Variants in THSD7B observed in about 807,000 individuals in gnomAD.
The protein encoded by THSD7B is thrombospondin type-1 domain-containing protein 7B.
A neutral mutation model predicts 213.6 loss-of-function variants in THSD7B; 138 were observed. The observed-to-expected ratio is 0.65, with a 90% CI of 0.56 to 0.74. The LOEUF (loss-of-function observed/expected upper bound fraction) is 0.74, where lower values mean the gene tolerates loss of function less well. THSD7B is among the 30% of genes least tolerant of loss of function. The probability of loss-of-function intolerance (pLI) is 0.00; values close to 1 mark genes in which losing one functional copy is unlikely to be tolerated. For missense variants in THSD7B, 1,931 were observed against 1,991.5 expected, an observed-to-expected ratio of 0.97 and a Z score of 0.58; for synonymous variants, 742 against 687.0, an observed-to-expected ratio of 1.08 and a Z score of -1.25.
At chr2:137,375,659 A>G (rs1391788787) in intron 12 of THSD7B, among the ~76,000 whole-genome samples, 1 of 152,208 alleles carries the variant, frequency 6.6e-6, no homozygotes, top group Non-Finnish European at 1.5e-5. Flanking sequence ...ATAGAATTTT[A>G]TCAAGTTTGA....
intron 1 of THSD7B, among the ~76,000 whole-genome samples, chr2:136,835,259 T>A (rs775564457): frequency 6.6e-5 from 10 of 152,236 alleles, no homozygotes; most frequent in Non-Finnish European, 1.3e-4. Context: ...AAATTTGTTG[T>A]GTTTTCATAC....
intron 5 of THSD7B, among the ~76,000 whole-genome samples, chr2:137,126,621 T>G (rs951551549): frequency 1.3e-5 from 2 of 152,172 alleles, no homozygotes; most frequent in African/African-American, 4.8e-5. Context: ...CTGTTTTGCT[T>G]TCTCATCATT....
intron 12 of THSD7B, among the ~76,000 whole-genome samples, chr2:137,284,365 G>A (rs914404600): frequency 6.6e-5 from 10 of 151,962 alleles, no homozygotes; most frequent in African/African-American, 9.7e-5. Context: ...TGGATTCATT[G>A]ATTTTTTGAA....
chr2:136,937,482 C>G (rs1018853145), intron 2 of THSD7B, among the ~76,000 whole-genome samples: 1 of 151,968 alleles, frequency 6.6e-6, no homozygotes, highest in South Asian at 2.1e-4. Context: ...TATGCTGCCC[C>G]GAGTCAAGCC....
chr2:137,294,850 G>A (rs887710023), intron 12 of THSD7B, among the ~76,000 whole-genome samples: 1 of 151,972 alleles, frequency 6.6e-6, no homozygotes, highest in Non-Finnish European at 1.5e-5. Flanking sequence ...CATAGTGTCT[G>A]GCACATTTTA....
intron 6 of THSD7B, among the ~76,000 whole-genome samples, chr2:137,164,682 A>G (rs1023551874): frequency 7.9e-5 from 12 of 152,216 alleles, no homozygotes; most frequent in Admixed American, 6.5e-4. Flanking sequence ...CATATACACC[A>G]TAGAATACTA....
intron 14 of THSD7B, among the ~76,000 whole-genome samples, chr2:137,413,251 G>A (rs753841113): frequency 3.9e-5 from 6 of 152,100 alleles, no homozygotes. Flanking sequence ...CCCATTTTAA[G>A]GTGATGCTAA....
chr2:136,954,957 C>G (rs1026141048), intron 2 of THSD7B, among the ~76,000 whole-genome samples: 1 of 152,012 alleles, frequency 6.6e-6, no homozygotes, highest in African/African-American at 2.4e-5. Context: ...TGTATTTCAA[C>G]AGGCTCTGGA....
At chr2:136,932,703 T>G (rs1206745149) in intron 2 of THSD7B, among the ~76,000 whole-genome samples, 1 of 152,060 alleles carries the variant, frequency 6.6e-6, no homozygotes, top group Non-Finnish European at 1.5e-5. Flanking sequence ...TTAAGTAGGC[T>G]GAGGAGGAGG....
intron 1 of THSD7B, among the ~76,000 whole-genome samples, chr2:136,779,121 C>T (rs1049688161): frequency 6.6e-6 from 1 of 151,286 alleles, no homozygotes; most frequent in Non-Finnish European, 1.5e-5. Context: ...AACTTGAGTA[C>T]ATTGGATCTT....
chr2:137,119,329 G>T (rs2104942396), intron 5 of THSD7B, among the ~76,000 whole-genome samples: 1 of 152,292 alleles, frequency 6.6e-6, no homozygotes, highest in East Asian at 1.9e-4. Flanking sequence ...AAGTACATCT[G>T]TCATAAGGGT....
rs1242076554 is a variant in THSD7B, at chr2:137,078,806, C to CT, written c.951-16059dup. On this transcript the variant is annotated intron_variant, in intron 3 of 27. Coordinates refer to ENST00000409968, the MANE Select transcript of THSD7B (RefSeq NM_001316349.2). ...ATTCTTATAGTGTTTTATTATCATA[C>CT]TTTTTTTTCCCAAAAATTCTATAGT... is the stretch of plus-strand genomic sequence containing the variant. Among the ~76,000 whole-genome samples the CT allele has an allele frequency of 4.6e-5, 7 of 151,772 alleles. No homozygotes were observed. In the East Asian group the frequency reaches 9.6e-4, roughly 21 times the overall value.
intron 1 of THSD7B, among the ~76,000 whole-genome samples, chr2:136,809,902 A>T (rs1682348494): frequency 6.6e-6 from 1 of 152,162 alleles, no homozygotes; most frequent in Non-Finnish European, 1.5e-5. Flanking sequence ...GTACTCACAG[A>T]ATAGGCATGA....
chr2:137,512,760 T>G (rs2105154525), intron 15 of THSD7B, among the ~76,000 whole-genome samples: 1 of 152,268 alleles, frequency 6.6e-6, no homozygotes, highest in South Asian at 2.1e-4. Flanking sequence ...AAAGATTAAC[T>G]TATGTAGGTA....
chr2:137,004,294 C>T (rs1020953018), intron 2 of THSD7B, among the ~76,000 whole-genome samples: 9 of 120,442 alleles, frequency 7.5e-5, no homozygotes, highest in African/African-American at 1.0e-4. Flanking sequence ...TGTGTGCACA[C>T]GTACACACAC....
chr2:137,671,242 TTTTTTAA>T (rs1299185386), intron 27 of THSD7B, among the ~76,000 whole-genome samples: 1 of 39,616 alleles, frequency 2.5e-5, no homozygotes, highest in African/African-American at 5.2e-5. Context: ...TTGCTTTTTT[TTTTTTAA>T]AAAAAAAAAA....
intron 14 of THSD7B, among the ~76,000 whole-genome samples, chr2:137,425,755 G>A (rs1687041322): frequency 6.6e-6 from 1 of 152,102 alleles, no homozygotes; most frequent in Non-Finnish European, 1.5e-5. Flanking sequence ...AAAGTTGAAA[G>A]CTTTTTCTCT....
rs1680707568 is a variant in THSD7B, at chr2:137,546,352, TATATATATATTATATATATATATA to T, written c.3139-16849_3139-16826del. 3.2e-4 allele frequency among the ~76,000 whole-genome samples: 20 copies of T among 63,464 alleles called. No homozygotes were observed. In the East Asian group the frequency reaches 4.2e-3, roughly 13 times the overall value. The allele number at this position is 63,464 out of a possible 152,430, so 41.6% of individuals were successfully genotyped here. A position where few individuals can be genotyped will look rare whatever the true frequency, so the allele number is the denominator to read the frequency against. ...CATGCATTCAGTATTGAAGTCAGCA[TATATATATATTATATATATATATA>T]ATATATATATTATATATATTATATA... On this transcript the variant is annotated intron_variant, in intron 15 of 27. Coordinates refer to ENST00000409968, the MANE Select transcript of THSD7B (RefSeq NM_001316349.2).
intron 7 of THSD7B, among the ~76,000 whole-genome samples, chr2:137,213,495 TATA>T (rs1227456268): frequency 2.7e-5 from 4 of 148,634 alleles, no homozygotes; most frequent in Admixed American, 2.0e-4. Context: ...TTATATGTAT[TATA>T]ATATGCTATA....
Sources: gnomAD v4.1 joint callset for allele counts (sites outside exome capture counted in the v4.1 genomes callset) on GRCh38, gnomAD v4.1.1 for gene constraint, MANE v1.5 for transcripts, NCBI Gene and HGNC (gene_info 2026-07-23, HGNC 2026-07-21) for gene names.